The following PSIP1 variants were observed in gnomAD, a reference collection of about 807,000 sequenced individuals.
The protein encoded by PSIP1 is PC4 and SFRS1-interacting protein.
A neutral mutation model predicts 74.7 loss-of-function variants in PSIP1; 19 were observed. That is an observed-to-expected ratio of 0.25 (90% CI 0.18 to 0.37). PSIP1 has a LOEUF of 0.37. Among genes scored for constraint, PSIP1 ranks in the 10% least tolerant of loss-of-function variants. The probability of loss-of-function intolerance (pLI) is 1.00; values close to 1 mark genes in which losing one functional copy is unlikely to be tolerated. For missense variants in PSIP1, 601 were observed against 614.3 expected (o/e 0.98, Z 0.23); for synonymous variants, 222 against 195.3 (o/e 1.14, Z -1.14).
At chr9:15,469,190 C>T (rs1213153646) in intron 12 of PSIP1, 76 bp downstream of exon 12, 1 of 1,324,958 alleles carries the variant, frequency 7.5e-7, no homozygotes, top group Non-Finnish European at 1.1e-6. Context: ...TTTACATACT[C>T]ATAAGATCAT....
chr9:15,478,644 T>C (rs1312896765), intron 7 of PSIP1, 92 bp from the exon 8 acceptor site: 1 of 853,506 alleles, frequency 1.2e-6, no homozygotes, highest in Non-Finnish European at 1.9e-6. Flanking sequence ...TACATACTAT[T>C]TAAGAATATT....
chr9:15,470,635 G>A, intron 10 of PSIP1: 3 of 891,226 alleles, frequency 3.4e-6, no homozygotes, highest in Non-Finnish European at 4.0e-6. Context: ...TAAAAATCAG[G>A]TTTTTTTTTT....
chr9:15,496,130 T>C (rs1419876709), intron 3 of PSIP1, among the ~76,000 whole-genome samples: 3 of 152,210 alleles, frequency 2.0e-5, no homozygotes, highest in Non-Finnish European at 4.4e-5. Context: ...TATGCACCTG[T>C]CATTTACATC....
chr9:15,477,767 C>T (rs1230471574), intron 8 of PSIP1, among the ~76,000 whole-genome samples: 15 of 151,932 alleles, frequency 9.9e-5, no homozygotes, highest in Non-Finnish European at 7.4e-5. Flanking sequence ...TTCTGAAATG[C>T]TTTAAAAATT....
chr9:15,490,913 C>A (rs2036802418), intron 3 of PSIP1, among the ~76,000 whole-genome samples: 1 of 152,000 alleles, frequency 6.6e-6, no homozygotes, highest in African/African-American at 2.4e-5. Flanking sequence ...CATATTATAA[C>A]CCATTCATTC....
chr9:15,467,141 T>G (rs190000941), intron 14 of PSIP1, among the ~76,000 whole-genome samples: 1 of 152,204 alleles, frequency 6.6e-6, no homozygotes, highest in African/African-American at 2.4e-5. Context: ...AGTGGATTAT[T>G]AATCTGATTA....
Position 15,488,062 on chromosome 9 carries a change from G to A in PSIP1, c.289-1131C>T, listed in dbSNP as rs531445419. Among the ~76,000 whole-genome samples the A allele has an allele frequency of 1.1e-4, 17 of 152,310 alleles. No individual in the cohort carries two copies. The South Asian group carries it at 2.5e-3, about 22-fold the overall frequency. ...AGTAAAAAGCTAGGCCGGGCACAGT[G>A]ACTTATGCCTGTAATCCCAGCACTT... On this transcript the variant is annotated intron_variant, in intron 4 of 15. Coordinates refer to ENST00000380733, the MANE Select transcript of PSIP1 (RefSeq NM_033222.5).
intron 2 of PSIP1, among the ~76,000 whole-genome samples, chr9:15,508,706 G>A (rs1052326660): frequency 6.6e-6 from 1 of 152,146 alleles, no homozygotes; most frequent in African/African-American, 2.4e-5. Flanking sequence ...AGTTTCCCTA[G>A]GCTCCATTTG....
intron 14 of PSIP1, chr9:15,468,396 C>T: frequency 1.4e-6 from 1 of 708,092 alleles, no homozygotes; most frequent in Non-Finnish European, 2.6e-6. Flanking sequence ...AGTCATCTGC[C>T]TCATGAGCAA....
At chr9:15,507,894 C>T (rs1314529315) in intron 2 of PSIP1, among the ~76,000 whole-genome samples, 1 of 152,152 alleles carries the variant, frequency 6.6e-6, no homozygotes, top group Non-Finnish European at 1.5e-5. Context: ...CTCTAGGGAC[C>T]TATTTCCCCA....
At chr9:15,484,089 G>A (rs1587492603) in intron 6 of PSIP1, among the ~76,000 whole-genome samples, 1 of 145,974 alleles carries the variant, frequency 6.9e-6, no homozygotes, top group East Asian at 2.0e-4. Context: ...CTAAGATCAT[G>A]CCACTGCACT....
chr9:15,478,127 TA>T (rs570873100), intron 8 of PSIP1, among the ~76,000 whole-genome samples: 10,364 of 108,200 alleles, frequency 0.096, 902 homozygotes, highest in African/African-American at 0.25. Context: ...ACCCCATCTT[TA>T]AAAAAAAAAA....
chr9:15,502,986 A>C (rs1164118477), intron 3 of PSIP1, among the ~76,000 whole-genome samples: 2 of 152,216 alleles, frequency 1.3e-5, no homozygotes, highest in Non-Finnish European at 2.9e-5. Context: ...TTAATCTATA[A>C]ACCAGTTACG....
At chr9:15,474,531 C>G (rs889228396) in intron 8 of PSIP1, among the ~76,000 whole-genome samples, 1 of 152,146 alleles carries the variant, frequency 6.6e-6, no homozygotes, top group African/African-American at 2.4e-5. Context: ...GAAGTGAAAT[C>G]AAATACGGTC....
In PSIP1 at chr9:15,468,680, T is replaced by G. The variant is rs2035729982; in HGVS notation, c.1370A>C (p.Lys457Thr). 6 of 1,614,040 alleles carry G rather than the reference T, an allele frequency of 3.7e-6. No individual in the cohort carries two copies. The highest frequency in any genetic ancestry group is 4.2e-6 in the Non-Finnish European group (5 of 1,180,022). ...GTTTGGCCCTTTCTTCCCTTGATCT[T>G]TGGTTTTATTCGCTTCCTCATGCTG... ...QRQHEEANKT[K>T]DQGKKGPNKK... Residue 457 changes from lysine to threonine, a missense_variant, in exon 14 of 16, where the codon AAA (lysine) becomes ACA (threonine). Around this residue, in one of 2 missense-constraint regions of PSIP1, gnomAD observed 538 missense variants for 507.6 expected, o/e 1.06. Coordinates refer to ENST00000380733, the MANE Select transcript of PSIP1 (RefSeq NM_033222.5).
At chr9:15,468,285 T>C (rs761987701) in intron 14 of PSIP1, 1 of 545,720 alleles carries the variant, frequency 1.8e-6, no homozygotes, top group Non-Finnish European at 3.6e-6. Flanking sequence ...TTTTACTTTT[T>C]AGGTGAGAAG....
Position 15,469,062 on chromosome 9 carries a change from C to T in PSIP1, c.1105-4G>A, listed in dbSNP as rs2035737851. 6.2e-7 allele frequency: 1 copy of T among 1,609,012 alleles called. No individual in the cohort carries two copies. Among genetic ancestry groups the T allele is most frequent in the Non-Finnish European group, 8.5e-7 (1 of 1,177,248 alleles). On this transcript the variant is annotated splice_region_variant and splice_polypyrimidine_tract_variant and intron_variant, in intron 12 of 15. Transcript: ENST00000380733. ...CCTCAATGCATCTGTTCACATCCTT[C>T]ATGACAAAACAGTAATTTCATAGCT...
At chr9:15,473,690 C>T (rs1427048638) in intron 9 of PSIP1, among the ~76,000 whole-genome samples, 2 of 152,044 alleles carry the variant, frequency 1.3e-5, no homozygotes, top group Non-Finnish European at 2.9e-5. Context: ...CACCTGAGAT[C>T]AGGAGTTCAA....
chr9:15,472,621 A>G lies in PSIP1; in HGVS notation c.977+11T>C. ...AAAGAACCCAAAATTTAGAAAAAAA[A>G]AAATACTTACTGCTCAGTTTCCATT... On this transcript the variant is annotated intron_variant, in intron 10 of 15. Transcript: ENST00000380733. The G allele has an allele frequency of 1.3e-6, 2 of 1,567,720 alleles. No homozygotes were observed. Among genetic ancestry groups the G allele is most frequent in the Non-Finnish European group, 1.7e-6 (2 of 1,167,712 alleles).
Sources: gnomAD v4.1 joint callset for allele counts (sites outside exome capture counted in the v4.1 genomes callset) on GRCh38, gnomAD v4.1.1 for gene constraint, gnomAD v4.1.1 regional missense constraint, MANE v1.5 for transcripts, NCBI Gene and HGNC (gene_info 2026-07-23, HGNC 2026-07-21) for gene names.